The following COL27A1 variants were observed in gnomAD, a reference collection of about 807,000 sequenced individuals.
The protein encoded by COL27A1 is collagen alpha-1(XXVII) chain.
COL27A1 carries 106 observed loss-of-function variants against 251.3 expected under a neutral mutation model. The ratio of observed to expected loss-of-function variants is 0.42; its 90% CI spans 0.36 to 0.50. The LOEUF (loss-of-function observed/expected upper bound fraction) is 0.50. Among genes scored for constraint, COL27A1 ranks in the 20% least tolerant of loss-of-function variants. COL27A1 has a pLI of 0.00. For missense variants in COL27A1, 2,325 were observed against 2,522.8 expected (o/e 0.92, Z 1.68); for synonymous variants, 1,000 against 986.3 (o/e 1.01, Z -0.26).
At position 114,155,835 on chromosome 9, in the gene COL27A1, G is replaced by T. The variant is rs1848082861; in HGVS notation, c.-116G>T. Reference sequence around the variant, plus strand: ...CCCTGGGCGCGGGGCTGCGCTGGGGGCGCGGGGGCCGCGCGCTCTAAGCCG... The same window carrying T: ...CCCTGGGCGCGGGGCTGCGCTGGGGTCGCGGGGGCCGCGCGCTCTAAGCCG... On this transcript the variant is annotated 5_prime_UTR_variant, in exon 1 of 61. Coordinates refer to ENST00000356083, the MANE Select transcript of COL27A1 (RefSeq NM_032888.4). This position sits in a 1 kb window ranked among gnomAD's most constrained non-coding sequence, Gnocchi z 5.5. The T allele has an allele frequency of 2.3e-6, 2 of 853,068 alleles. No individual in the cohort carries two copies. The highest frequency in any genetic ancestry group is 3.7e-5 in the African/African-American group (2 of 54,484). The allele number at this position is 853,068 out of a possible 1,614,324, so 52.8% of individuals were successfully genotyped here. A position where few individuals can be genotyped will look rare whatever the true frequency, so the allele number is the denominator to read the frequency against.
At position 114,252,640 on chromosome 9, in the gene COL27A1, G is replaced by T. The variant is rs1833620807; in HGVS notation, c.3081G>T (p.Gly1027=). Residue 1027 remains glycine (G), a synonymous_variant, in exon 26 of 61, where the codon GGG becomes GGT. Transcript: ENST00000356083. ...CCCCAGGCGTGCCTGGACCCAAGGG[G>T]TCGATGGTAAGGAGTAAGTCTGCAT... is the stretch of plus-strand genomic sequence containing the variant. ...MGPPGVPGPK[G]SMGHPGMPGG... is the part of the protein sequence containing the mutation. The T allele has an allele frequency of 1.2e-6, 2 of 1,613,798 alleles. No homozygotes were observed. Among genetic ancestry groups the T allele is most frequent in the Non-Finnish European group, 1.7e-6 (2 of 1,179,906 alleles).
intron 5 of COL27A1, among the ~76,000 whole-genome samples, chr9:114,190,666 G>A (rs1828693076): frequency 6.6e-6 from 1 of 152,160 alleles, no homozygotes. Flanking sequence ...AACCCTACCT[G>A]CAGGAAAGGT....
chr9:114,244,304 A>G (rs1286603479), intron 23 of COL27A1, among the ~76,000 whole-genome samples: 1 of 152,118 alleles, frequency 6.6e-6, no homozygotes, highest in Non-Finnish European at 1.5e-5. Context: ...GTGGGACAAT[A>G]GGAGATTTTC....
Position 114,255,679 on chromosome 9 carries a change from G to A in COL27A1, c.3141+2747G>A, listed in dbSNP as rs142640385. 3.9e-3 allele frequency among the ~76,000 whole-genome samples: 590 copies of A among 152,186 alleles called. 6 individuals are homozygous for A. The highest frequency in any genetic ancestry group is 0.014 in the African/African-American group (572 of 41,496). ...TGGCTCAGGCTTGGTGAAATCAGACGGTCACTTACTGCTGTTTCTGATCCC... is the reference window on the plus strand; with the variant it reads ...TGGCTCAGGCTTGGTGAAATCAGACAGTCACTTACTGCTGTTTCTGATCCC... On this transcript the variant is annotated intron_variant, in intron 27 of 60. Coordinates refer to ENST00000356083, the MANE Select transcript of COL27A1 (RefSeq NM_032888.4).
At position 114,301,463 on chromosome 9, in the gene COL27A1, G is replaced by C. The variant is rs766405509; in HGVS notation, c.4809+1G>C. 2.5e-6 allele frequency: 4 copies of C among 1,609,804 alleles called. No homozygotes were observed. Among genetic ancestry groups the C allele is most frequent in the African/African-American group, 1.3e-5 (1 of 74,642 alleles). ...CCTCCAGGGATTGCAAGGTCCGAGG[G>C]TGAGTGGGCTGGGCATGAGGGCTGT... is the stretch of plus-strand genomic sequence containing the variant. On this transcript the variant is annotated splice_donor_variant, in intron 54 of 60. Coordinates refer to ENST00000356083, the MANE Select transcript of COL27A1 (RefSeq NM_032888.4). LOFTEE classifies it high-confidence loss of function.
chr9:114,199,594 T>C (rs554284036), intron 7 of COL27A1, among the ~76,000 whole-genome samples: 2 of 152,280 alleles, frequency 1.3e-5, no homozygotes, highest in African/African-American at 4.8e-5. Flanking sequence ...TTGGTTCTGT[T>C]CTTAGAGAAG....
At chr9:114,229,827 T>G (rs1264642835) in intron 14 of COL27A1, among the ~76,000 whole-genome samples, 1 of 152,192 alleles carries the variant, frequency 6.6e-6, no homozygotes, top group Admixed American at 6.5e-5. Context: ...AGTCAGCCGC[T>G]TCTTCACTCT....
At chr9:114,232,876 G>T (rs950178539) in intron 16 of COL27A1, among the ~76,000 whole-genome samples, 3 of 152,232 alleles carry the variant, frequency 2.0e-5, no homozygotes, top group Admixed American at 6.5e-5. Context: ...TTCGAGACCA[G>T]TCTGGCCAAT....
intron 21 of COL27A1, among the ~76,000 whole-genome samples, chr9:114,241,696 C>T (rs939627950): frequency 3.3e-5 from 5 of 152,230 alleles, no homozygotes; most frequent in Non-Finnish European, 4.4e-5. Context: ...CCCTTAGACA[C>T]GGCACCATCC....
chr9:114,268,997 A>C, intron 34 of COL27A1: 1 of 330,210 alleles, frequency 3.0e-6, no homozygotes, highest in Non-Finnish European at 5.2e-6. Flanking sequence ...TATTAATAGG[A>C]TGATGGTGTT....
At chr9:114,267,589 T>C in intron 34 of COL27A1, 32 bp downstream of exon 34, 5 of 1,588,256 alleles carry the variant, frequency 3.1e-6, no homozygotes, top group Non-Finnish European at 4.3e-6. Flanking sequence ...GAAAAATGAC[T>C]TGTTGAAACC....
rs912387390 is a variant in COL27A1, at chr9:114,168,254, G to A, written c.699G>A (p.Arg233=). 1 of 1,613,956 alleles carries A rather than the reference G, an allele frequency of 6.2e-7. No individual in the cohort carries two copies. Among genetic ancestry groups the A allele is most frequent in the Non-Finnish European group, 8.5e-7 (1 of 1,180,024 alleles). ...CTCACAATTACTGTACCCACCTGAG[G>A]AAGCAGTGTGGACAGGCTGACACGT... The part of the protein sequence containing the change: ...QVAHNYCTHL[R]KQCGQADTYQ... Residue 233 remains arginine, a synonymous_variant, in exon 3 of 61, where the codon AGG becomes AGA. Transcript: ENST00000356083.
chr9:114,273,668 A>G (rs61013300), intron 36 of COL27A1: 24,058 of 152,188 alleles, frequency 0.16, 2,106 homozygotes, highest in African/African-American at 0.18. Context: ...AAACCTTGGC[A>G]CTGGGGGACA....
At chr9:114,181,620 C>T (rs1275506505) in intron 4 of COL27A1, among the ~76,000 whole-genome samples, 1 of 152,162 alleles carries the variant, frequency 6.6e-6, no homozygotes, top group Admixed American at 6.5e-5. Flanking sequence ...ATTATTCCTG[C>T]TAGACAAAAA....
At chr9:114,291,772 A>T (rs1313631302) in intron 48 of COL27A1, among the ~76,000 whole-genome samples, 1 of 152,034 alleles carries the variant, frequency 6.6e-6, no homozygotes, top group Admixed American at 6.5e-5. Context: ...AAATAAATAA[A>T]TGGGGAGGAG....
At chr9:114,301,816 C>T (rs1828663777) in intron 55 of COL27A1, 99 bp downstream of exon 55, 1 of 1,206,226 alleles carries the variant, frequency 8.3e-7, no homozygotes, top group African/African-American at 1.5e-5. Flanking sequence ...CCCTGAACCC[C>T]ACAGGGGTTC....
In COL27A1 at chr9:114,294,348, G is replaced by C. The variant is rs571339244; in HGVS notation, c.4584+2138G>C. ...AATTCCCAACTCTTTCCTTGAGGCT[G>C]ATTCTACCCTGATGTCAAAGCCACA... is the stretch of plus-strand genomic sequence containing the variant. On this transcript the variant is annotated intron_variant, in intron 49 of 60. Transcript: ENST00000356083. Among the ~76,000 whole-genome samples the C allele has an allele frequency of 2.0e-5, 3 of 151,534 alleles. No individual in the cohort carries two copies. In the East Asian group the frequency reaches 5.8e-4, roughly 29 times the overall value.
At chr9:114,223,924 C>T (rs866151668) in intron 14 of COL27A1, among the ~76,000 whole-genome samples, 24 of 152,270 alleles carry the variant, frequency 1.6e-4, no homozygotes, top group Middle Eastern at 3.4e-3. Flanking sequence ...ATTACACACA[C>T]GTGATATTTT....
At chr9:114,269,867 C>T (rs955173375) in intron 35 of COL27A1, among the ~76,000 whole-genome samples, 30 of 152,226 alleles carry the variant, frequency 2.0e-4, no homozygotes, top group African/African-American at 6.5e-4. Context: ...CCATCCTGCA[C>T]CTGACGGCCC....
Sources: gnomAD v4.1 joint callset for allele counts (sites outside exome capture counted in the v4.1 genomes callset) on GRCh38, gnomAD v4.1.1 for gene constraint, Gnocchi (gnomAD v3.1) non-coding constraint, MANE v1.5 for transcripts, NCBI Gene and HGNC (gene_info 2026-07-23, HGNC 2026-07-21) for gene names.